Variants in DNASE1 observed in about 807,000 individuals in gnomAD.
DNASE1 encodes the protein deoxyribonuclease-1.
In DNASE1, 40 loss-of-function variants were observed where a neutral mutation model predicts 33.9. That is an observed-to-expected ratio of 1.18 (90% CI 0.92 to 1.54). DNASE1 has a LOEUF of 1.54. Among genes scored for constraint, DNASE1 ranks in the 40% most tolerant of loss-of-function variants. DNASE1 has a pLI of 0.00. For synonymous variants in DNASE1, 216 were observed against 160.0 expected, an observed-to-expected ratio of 1.35 and a Z score of -2.64; for missense variants, 518 against 372.6, an observed-to-expected ratio of 1.39 and a Z score of -3.21.
intron 1 of DNASE1, among the ~76,000 whole-genome samples, chr16:3,643,673 G>A (rs2042086709): frequency 6.6e-6 from 1 of 152,254 alleles, no homozygotes; most frequent in Non-Finnish European, 1.5e-5. Context: ...GAAGAAAGGT[G>A]ACAGACCCAC....
downstream of DNASE1, chr16:3,658,501 GTGAAAACCCCA>G: frequency 1.8e-6 from 1 of 570,292 alleles, no homozygotes; most frequent in Non-Finnish European, 3.1e-6. Flanking sequence ...GGCCAAGATG[GTGAAAACCCCA>G]TCTCTACTAA....
upstream of DNASE1, chr16:3,654,211 C>T (rs769907995): frequency 3.3e-5 from 13 of 397,104 alleles, no homozygotes; most frequent in Non-Finnish European, 5.3e-5. Flanking sequence ...CACTCGGGAT[C>T]CCCTGGGCCT....
rs1423697782 is a variant in DNASE1 at position 3,663,582 on chromosome 16, G to C, written c.*5629G>C. ...GAGAACCTGCAGGTGGCCAAGAGCA[G>C]CTCCATCAGACCCCGGGGGCCTCCA... On this transcript the variant is annotated 3_prime_UTR_variant, in exon 10 of 10. Coordinates refer to the DNASE1 transcript ENST00000407479. The C allele has an allele frequency of 1.9e-6, 3 of 1,612,998 alleles. No individual in the cohort carries two copies. In the African/African-American group the frequency reaches 4.0e-5, roughly 22 times the overall value.
intron 1 of DNASE1, among the ~76,000 whole-genome samples, chr16:3,646,424 G>GTC (rs1179953747): frequency 2.6e-5 from 4 of 152,146 alleles, no homozygotes; most frequent in Non-Finnish European, 4.4e-5. Flanking sequence ...GGGTAAACAG[G>GTC]TGCCTGAGTA....
chr16:3,624,735 C>T (rs1055209755), intron 1 of DNASE1, among the ~76,000 whole-genome samples: 3 of 152,156 alleles, frequency 2.0e-5, no homozygotes, highest in African/African-American at 7.2e-5. Flanking sequence ...GGCTGGAGTG[C>T]AGTAGTGGGA....
chr16:3,618,252 A>C (rs1247874404), intron 1 of DNASE1, among the ~76,000 whole-genome samples: 2 of 141,542 alleles, frequency 1.4e-5, no homozygotes, highest in East Asian at 4.0e-4. Context: ...CCATTTCCTA[A>C]AAAAAAAAAA....
exon 10 of DNASE1, chr16:3,664,535 C>A: frequency 1.4e-6 from 2 of 1,457,182 alleles, no homozygotes; most frequent in Non-Finnish European, 1.8e-6. Context: ...GGGCGCAAAC[C>A]CTCCGATGCC....
At chr16:3,629,933 CCTCCCAAG>C (rs1355998562) in intron 1 of DNASE1, among the ~76,000 whole-genome samples, 1 of 152,208 alleles carries the variant, frequency 6.6e-6, no homozygotes, top group Non-Finnish European at 1.5e-5. Flanking sequence ...CCTGCTTCAG[CCTCCCAAG>C]TAGCTGGGGC....
At chr16:3,658,647 T>C (rs182179812), downstream of DNASE1, 7,509 of 792,530 alleles carry the variant, frequency 9.5e-3, 64 homozygotes, top group Non-Finnish European at 0.013. Context: ...CACTCCAGCC[T>C]GGCAACAGAG....
intron 1 of DNASE1, among the ~76,000 whole-genome samples, chr16:3,621,093 C>T (rs763867046): frequency 1.2e-4 from 18 of 151,886 alleles, no homozygotes; most frequent in African/African-American, 2.7e-4. Context: ...CCACTGTGCC[C>T]GGCCTATTTT....
At chr16:3,656,919 A>G in intron 5 of DNASE1, 80 bp from the exon 6 acceptor site, 3 of 1,569,290 alleles carry the variant, frequency 1.9e-6, no homozygotes, top group East Asian at 2.4e-5. Flanking sequence ...GGGGACTGTC[A>G]TGATACATAG....
intron 1 of DNASE1, among the ~76,000 whole-genome samples, chr16:3,619,656 T>C (rs1720539149): frequency 1.3e-5 from 2 of 151,640 alleles, no homozygotes; most frequent in African/African-American, 4.8e-5. Flanking sequence ...CCACTGTGCC[T>C]GGCCGCCTGT....
At chr16:3,625,135 C>T (rs918626580) in intron 1 of DNASE1, among the ~76,000 whole-genome samples, 2 of 152,126 alleles carry the variant, frequency 1.3e-5, no homozygotes, top group Non-Finnish European at 2.9e-5. Context: ...GGTGAAACCC[C>T]GTCTCTACTA....
chr16:3,648,895 A>T (rs2151201680), intron 1 of DNASE1, among the ~76,000 whole-genome samples: 1 of 152,312 alleles, frequency 6.6e-6, no homozygotes, highest in African/African-American at 2.4e-5. Flanking sequence ...CCATCTCAAA[A>T]TGTGAACTTT....
rs1021946802 is a variant in DNASE1 at position 3,657,288 on chromosome 16, G to A, written c.651G>A (p.Leu217=). Residue 217 remains leucine, a synonymous_variant, in exon 7 of 9, where the codon CTG becomes CTA. Transcript: ENST00000246949. Reference sequence around the variant, plus strand: ...GGACAAGCCCCACCTTCCAGTGGCTGATCCCCGACAGCGCTGACACCACAG... The same window carrying A: ...GGACAAGCCCCACCTTCCAGTGGCTAATCCCCGACAGCGCTGACACCACAG... ...RLWTSPTFQW[L]IPDSADTTAT... 2 of 1,613,844 alleles carry A rather than the reference G, an allele frequency of 1.2e-6. No individual in the cohort carries two copies. Among genetic ancestry groups the A allele is most frequent in the East Asian group, 2.2e-5 (1 of 44,896 alleles).
intron 1 of DNASE1, among the ~76,000 whole-genome samples, chr16:3,626,456 C>G (rs1178348415): frequency 2.6e-5 from 4 of 152,160 alleles, no homozygotes; most frequent in African/African-American, 9.7e-5. Flanking sequence ...TTTTCTGTTA[C>G]TGGTTTCTAG....
chr16:3,650,433 T>A (rs948742111), upstream of DNASE1, among the ~76,000 whole-genome samples: 1 of 152,186 alleles, frequency 6.6e-6, no homozygotes, highest in African/African-American at 2.4e-5. Context: ...ATGCAGGATA[T>A]ACGCTGATCT....
chr16:3,615,936 C>T (rs1043672910), intron 1 of DNASE1, among the ~76,000 whole-genome samples: 1 of 152,212 alleles, frequency 6.6e-6, no homozygotes, highest in Non-Finnish European at 1.5e-5. Flanking sequence ...GTCCACCTCC[C>T]TCTCCTTTAT....
intron 1 of DNASE1, among the ~76,000 whole-genome samples, chr16:3,622,872 A>G (rs2041371870): frequency 6.6e-6 from 1 of 152,278 alleles, no homozygotes; most frequent in African/African-American, 2.4e-5. Context: ...CGTTCTCTTA[A>G]TGATGCCTTG....
Sources: gnomAD v4.1 joint callset for allele counts (sites outside exome capture counted in the v4.1 genomes callset) on GRCh38, gnomAD v4.1.1 for gene constraint, MANE v1.5 for transcripts, NCBI Gene and HGNC (gene_info 2026-07-23, HGNC 2026-07-21) for gene names.